C10orf90: variants seen among roughly 807,000 people sequenced by gnomAD.
C10orf90 encodes (E2-independent) E3 ubiquitin-conjugating enzyme FATS.
Under a neutral mutation model 62.5 loss-of-function variants are expected in C10orf90, and 56 were observed. The ratio of observed to expected loss-of-function variants is 0.90; its 90% CI spans 0.72 to 1.12. C10orf90 has a LOEUF of 1.12. Among genes scored for constraint, C10orf90 ranks in the 50% most tolerant of loss-of-function variants. The pLI, the probability that C10orf90 is intolerant of heterozygous loss-of-function variation, is 0.00. For synonymous variants in C10orf90, 386 were observed against 340.4 expected, an observed-to-expected ratio of 1.13 and a Z score of -1.47; for missense variants, 970 against 880.4, an observed-to-expected ratio of 1.10 and a Z score of -1.29.
chr10:126,558,803 C>T (rs1228746885), intron 2 of C10orf90, among the ~76,000 whole-genome samples: 2 of 152,258 alleles, frequency 1.3e-5, no homozygotes, highest in Admixed American at 1.3e-4. Flanking sequence ...CAGAGTTGGG[C>T]TCCCAGAGAG....
At chr10:126,490,226 C>T (rs185871097) in intron 4 of C10orf90, among the ~76,000 whole-genome samples, 11 of 148,888 alleles carry the variant, frequency 7.4e-5, no homozygotes, top group South Asian at 4.2e-4. Flanking sequence ...ACGCATGCAA[C>T]GGCATAAATG....
intron 2 of C10orf90, among the ~76,000 whole-genome samples, chr10:126,631,402 C>T (rs1845847637): frequency 6.6e-6 from 1 of 152,136 alleles, no homozygotes; most frequent in Non-Finnish European, 1.5e-5. Flanking sequence ...AGACAGCTGC[C>T]CCTTGCCCTG....
chr10:126,561,772 G>C (rs1864905994), intron 2 of C10orf90, among the ~76,000 whole-genome samples: 1 of 152,144 alleles, frequency 6.6e-6, no homozygotes, highest in Non-Finnish European at 1.5e-5. Context: ...TTGTGTGCCT[G>C]ACACAGAGGG....
intron 4 of C10orf90, among the ~76,000 whole-genome samples, chr10:126,490,654 T>C (rs574608398): frequency 6.6e-6 from 1 of 152,154 alleles, no homozygotes; most frequent in African/African-American, 2.4e-5. Context: ...TTATCAAAAT[T>C]TAAAAAAAGA....
intron 1 of C10orf90, among the ~76,000 whole-genome samples, chr10:126,667,670 G>C (rs1452079233): frequency 2.0e-5 from 3 of 152,114 alleles, no homozygotes; most frequent in African/African-American, 7.2e-5. Context: ...CCCTTCCCAA[G>C]CTGGCAAAAC....
intron 7 of C10orf90, among the ~76,000 whole-genome samples, chr10:126,436,997 G>T (rs1241396326): frequency 6.6e-6 from 1 of 152,090 alleles, no homozygotes. Flanking sequence ...TAACCATGAA[G>T]AAGCTAATGG....
chr10:126,507,305 C>T (rs1385662170), intron 3 of C10orf90, among the ~76,000 whole-genome samples: 2 of 134,196 alleles, frequency 1.5e-5, no homozygotes, highest in Non-Finnish European at 1.5e-5. Context: ...TGCAGTGAGC[C>T]AAGATCGCGC....
chr10:126,645,404 C>CCAAA lies in C10orf90; in HGVS notation c.313+1157_313+1160dup, dbSNP rs148448748. ...GCAACATGGCAAGATCCCCTCTCTA[C>CCAAA]CAAACAAACAAACAAACAAACAAAC... On this transcript the variant is annotated intron_variant, in intron 2 of 9. Transcript: ENST00000488181. 2.6e-3 allele frequency among the ~76,000 whole-genome samples: 387 copies of CCAAA among 146,382 alleles called. 8 individuals are homozygous for CCAAA. Among genetic ancestry groups the CCAAA allele is most frequent in the East Asian group, 7.6e-3 (37 of 4,854 alleles).
intron 2 of C10orf90, among the ~76,000 whole-genome samples, chr10:126,642,156 CA>C (rs1233864650): frequency 6.6e-6 from 1 of 152,078 alleles, no homozygotes; most frequent in African/African-American, 2.4e-5. Flanking sequence ...AAGAGCAAAC[CA>C]AGAAATGAGG....
Position 126,549,311 on chromosome 10 carries a change from C to T in C10orf90, c.314-35372G>A, listed in dbSNP as rs185853090. On this transcript the variant is annotated intron_variant, in intron 2 of 9. Transcript: ENST00000488181. ...TATTTAAAGAGTTCTCAAAACTCAACAGTAAGAAAAACAAACAGCCCAATT... is the reference window on the plus strand; with the variant it reads ...TATTTAAAGAGTTCTCAAAACTCAATAGTAAGAAAAACAAACAGCCCAATT... 1.6e-3 allele frequency among the ~76,000 whole-genome samples: 246 copies of T among 152,142 alleles called. 1 individual carries two copies. Among genetic ancestry groups the T allele is most frequent in the African/African-American group, 5.8e-3 (239 of 41,494 alleles).
intron 2 of C10orf90, among the ~76,000 whole-genome samples, chr10:126,514,443 A>T (rs1222010449): frequency 6.6e-6 from 1 of 152,126 alleles, no homozygotes; most frequent in East Asian, 1.9e-4. Flanking sequence ...ATAATGACAC[A>T]CTCTATGTAA....
intron 2 of C10orf90, among the ~76,000 whole-genome samples, chr10:126,551,342 A>G (rs1412047943): frequency 6.6e-6 from 1 of 152,248 alleles, no homozygotes; most frequent in Non-Finnish European, 1.5e-5. Flanking sequence ...GCCTGGTGCA[A>G]TAATAGATGG....
chr10:126,586,618 C>T (rs1001358408), intron 2 of C10orf90, among the ~76,000 whole-genome samples: 1 of 151,996 alleles, frequency 6.6e-6, no homozygotes, highest in African/African-American at 2.4e-5. Context: ...AATATGCCTA[C>T]GGAACATTTT....
At chr10:126,495,402 C>A (rs1591009872) in intron 4 of C10orf90, among the ~76,000 whole-genome samples, 1 of 152,216 alleles carries the variant, frequency 6.6e-6, no homozygotes, top group African/African-American at 2.4e-5. Flanking sequence ...TCTGATAAAA[C>A]CCTTGTACCA....
chr10:126,511,956 T>C (rs764854287), intron 3 of C10orf90: 7 of 151,654 alleles, frequency 4.6e-5, no homozygotes, highest in African/African-American at 1.5e-4. Flanking sequence ...TTGCTACAGC[T>C]TGAATGCATT....
chr10:126,569,153 C>A (rs969728597), intron 2 of C10orf90, among the ~76,000 whole-genome samples: 1 of 152,036 alleles, frequency 6.6e-6, no homozygotes, highest in African/African-American at 2.4e-5. Context: ...CCAAGGACAC[C>A]GCCTCTAATT....
intron 2 of C10orf90, among the ~76,000 whole-genome samples, chr10:126,641,078 AG>A (rs1297118858): frequency 3.9e-5 from 6 of 152,212 alleles, no homozygotes; most frequent in Admixed American, 3.9e-4. Context: ...TTTCAGGGAA[AG>A]TAAACAGATA....
intron 2 of C10orf90, among the ~76,000 whole-genome samples, chr10:126,561,106 C>T (rs1270389043): frequency 2.0e-5 from 3 of 152,094 alleles, no homozygotes; most frequent in African/African-American, 7.2e-5. Context: ...ACCACCTGCT[C>T]GCAAAGAGGT....
intron 8 of C10orf90, among the ~76,000 whole-genome samples, chr10:126,429,062 T>C (rs1857422167): frequency 6.6e-6 from 1 of 152,212 alleles, no homozygotes; most frequent in African/African-American, 2.4e-5. Flanking sequence ...GATTTAATTA[T>C]GATAATTCCT....
Sources: gnomAD v4.1 joint callset for allele counts (sites outside exome capture counted in the v4.1 genomes callset) on GRCh38, gnomAD v4.1.1 for gene constraint, MANE v1.5 for transcripts, NCBI Gene and HGNC (gene_info 2026-07-23, HGNC 2026-07-21) for gene names.